Variants in ZNF701 observed in about 807,000 individuals in gnomAD.
ZNF701 encodes zinc finger protein 701.
ZNF701 carries 6 observed loss-of-function variants against 7.1 expected under a neutral mutation model. That is an observed-to-expected ratio of 0.84 (90% CI 0.46 to 1.66). The LOEUF (loss-of-function observed/expected upper bound fraction) is 1.66, where lower values mean the gene tolerates loss of function less well. ZNF701 is among the 40% of genes most tolerant of loss of function. The pLI, the probability that ZNF701 is intolerant of heterozygous loss-of-function variation, is 0.01. For synonymous variants in ZNF701, 166 were observed against 188.2 expected, an observed-to-expected ratio of 0.88 and a Z score of 0.97; for missense variants, 541 against 559.2, an observed-to-expected ratio of 0.97 and a Z score of 0.33.
chr19:52,572,375 A>T (rs1341894067), intron 1 of ZNF701: 17 of 1,288,816 alleles, frequency 1.3e-5, no homozygotes, highest in African/African-American at 1.5e-5. Context: ...GAAGGTAACT[A>T]GCTGTGTCTT....
chr19:52,579,837 G>A (rs1451607522), intron 3 of ZNF701, among the ~76,000 whole-genome samples: 1 of 139,028 alleles, frequency 7.2e-6, no homozygotes, highest in Admixed American at 7.0e-5. Context: ...TCGCACCGTC[G>A]CACTCCAGCA....
chr19:52,580,482 C>G (rs1329154972), intron 3 of ZNF701, among the ~76,000 whole-genome samples: 1 of 152,018 alleles, frequency 6.6e-6, no homozygotes, highest in Non-Finnish European at 1.5e-5. Flanking sequence ...GCCTCAGACC[C>G]CCAAAGTGCT....
At chr19:52,590,126 A>G (rs918147393), downstream of ZNF701, among the ~76,000 whole-genome samples, 4 of 142,982 alleles carry the variant, frequency 2.8e-5, no homozygotes, top group African/African-American at 1.0e-4. Flanking sequence ...TTTTTGAGAC[A>G]GTCTTGCTCT....
chr19:52,583,388 T>C lies in ZNF701; in HGVS notation c.1329T>C (p.Cys443=). Reference sequence around the variant, plus strand: ...AGAAACCTTACAAGTGTAATGAATGTGGCAAGGTTTTTAATCGAAAATCAA... The same window carrying C: ...AGAAACCTTACAAGTGTAATGAATGCGGCAAGGTTTTTAATCGAAAATCAA... ...TGEKPYKCNE[C]GKVFNRKSNL... is the part of the protein sequence containing the mutation. The change falls in exon 4 of 4, where the codon TGT becomes TGC. Residue 443 remains cysteine (C), a synonymous_variant. Transcript: ENST00000391785. 6.2e-7 allele frequency: 1 copy of C among 1,613,810 alleles called. No individual in the cohort carries two copies. Among genetic ancestry groups the C allele is most frequent in the Non-Finnish European group, 8.5e-7 (1 of 1,179,806 alleles).
chr19:52,596,099 A>C, the ZNF701 span: 3 of 1,073,624 alleles, frequency 2.8e-6, no homozygotes, highest in Non-Finnish European at 4.2e-6. Context: ...AGAAGTACAC[A>C]TGAGGGAAAA....
At chr19:52,596,416 AAC>A in the ZNF701 span, 3 of 398,298 alleles carry the variant, frequency 7.5e-6, no homozygotes, top group African/African-American at 2.3e-5. Context: ...CACAACTTGA[AAC>A]ACACAGGAGA....
At position 52,583,381 on chromosome 19, in the gene ZNF701, A is replaced by G. The variant is rs191285212; in HGVS notation, c.1322A>G (p.Asn441Ser). The G allele has an allele frequency of 6.2e-7, 1 of 1,613,514 alleles. No individual in the cohort carries two copies. The highest frequency in any genetic ancestry group is 8.5e-7 in the Non-Finnish European group (1 of 1,179,534). Residue 441 changes from asparagine (N) to serine (S), a missense_variant, in exon 4 of 4, where the codon AAT becomes AGT. By Grantham distance (46) the Asn-to-Ser change is conservative. Coordinates refer to ENST00000391785, the MANE Select transcript of ZNF701 (RefSeq NM_018260.3). ...ACTGGAGAGAAACCTTACAAGTGTA[A>G]TGAATGTGGCAAGGTTTTTAATCGA... is the stretch of plus-strand genomic sequence containing the variant. The part of the protein sequence containing the change: ...LHTGEKPYKC[N>S]ECGKVFNRKS...
chr19:52,581,294 A>G (rs932833784), intron 3 of ZNF701, among the ~76,000 whole-genome samples: 2 of 152,116 alleles, frequency 1.3e-5, no homozygotes, highest in African/African-American at 2.4e-5. Context: ...ATCTCAGCTC[A>G]CCACAATCTT....
chr19:52,596,173 C>T, the ZNF701 span: 8 of 667,606 alleles, frequency 1.2e-5, 1 homozygote, highest in South Asian at 6.9e-5. Context: ...GGAGACATCA[C>T]GTAACCCATT....
rs1240234237 is a variant in ZNF701 at position 52,585,563 on chromosome 19, A to AC, written c.*2106_*2107insC. The AC allele has an allele frequency of 6.9e-6, 1 of 145,490 alleles. No individual in the cohort carries two copies. Among genetic ancestry groups the AC allele is most frequent in the African/African-American group, 2.5e-5 (1 of 40,526 alleles). The allele number at this position is 145,490 out of a possible 1,614,324, so 9.0% of individuals were successfully genotyped here. On this transcript the variant is annotated 3_prime_UTR_variant, in exon 4 of 4. Transcript: ENST00000391785. ...AAACATAGAATTGAAGAAAAAAAAA[A>AC]AAACCCCACAAAGTAACAAAAGAAT...
chr19:52,575,796 C>T (rs2059930649), intron 2 of ZNF701, 99 bp from the exon 3 acceptor site: 1 of 820,310 alleles, frequency 1.2e-6, no homozygotes, highest in Non-Finnish European at 1.8e-6. Flanking sequence ...GGAACATTCT[C>T]TGCAATTAAA....
At position 52,576,006 on chromosome 19, in the gene ZNF701, A is replaced by G. The variant is rs1385628794; in HGVS notation, c.127A>G (p.Asn43Asp). ...YRDVMLENYR[N>D]LVSLDTSSKC... ...AGACGTGATGCTGGAGAATTATAGG[A>G]ACCTGGTCTCCCTGGGTGAGGATAA... Residue 43 changes from asparagine (N) to aspartate (D), a missense_variant, in exon 3 of 4, where the codon AAC (asparagine) becomes GAC (aspartate). Transcript: ENST00000391785. 1 of 1,578,974 alleles carries G rather than the reference A, an allele frequency of 6.3e-7. No homozygotes were observed. Among genetic ancestry groups the G allele is most frequent in the Non-Finnish European group, 8.5e-7 (1 of 1,169,858 alleles).
intron 2 of ZNF701, 88 bp downstream of exon 2, chr19:52,574,250 T>G: frequency 6.4e-7 from 1 of 1,566,148 alleles, no homozygotes. Context: ...GAGTCTCAAG[T>G]GTCCTGCCTG....
At chr19:52,591,282 A>AT (rs2060035927), downstream of ZNF701, among the ~76,000 whole-genome samples, 3 of 151,834 alleles carry the variant, frequency 2.0e-5, no homozygotes, top group South Asian at 6.2e-4. Context: ...AGTTCTATCG[A>AT]TTTTTCTGCC....
chr19:52,575,109 A>G (rs2059924907), intron 2 of ZNF701, among the ~76,000 whole-genome samples: 1 of 152,072 alleles, frequency 6.6e-6, no homozygotes, highest in African/African-American at 2.4e-5. Context: ...AGCTGGGACT[A>G]CAGGCACCCC....
At chr19:52,590,108 T>TC (rs1287380099), downstream of ZNF701, among the ~76,000 whole-genome samples, 1 of 40,220 alleles carries the variant, frequency 2.5e-5, no homozygotes, top group African/African-American at 1.1e-4. Flanking sequence ...TTTTTTATTG[T>TC]TTTTTTTTTT....
chr19:52,571,974 C>A (rs576116383), intron 1 of ZNF701, among the ~76,000 whole-genome samples: 1 of 152,196 alleles, frequency 6.6e-6, no homozygotes, highest in South Asian at 2.1e-4. Flanking sequence ...CAGGCATGTG[C>A]CACCACACCA....
In ZNF701 at chr19:52,574,122, G is replaced by A; in HGVS notation, c.-26G>A. The A allele has an allele frequency of 1.9e-6, 3 of 1,612,374 alleles. No homozygotes were observed. The highest frequency in any genetic ancestry group is 4.5e-5 in the East Asian group (2 of 44,840). ...GTACGTGAGGAAAAAACACGGAAGA[G>A]GAAGAGGAAAGCAAAGGAGTCAGGG... On this transcript the variant is annotated 5_prime_UTR_variant, in exon 2 of 4. Coordinates refer to ENST00000391785, the MANE Select transcript of ZNF701 (RefSeq NM_018260.3).
In ZNF701 at chr19:52,582,366, G is replaced by GA. The variant is rs762876785; in HGVS notation, c.311dup (p.Asn104LysfsTer2). On this transcript the variant is annotated frameshift_variant, in exon 4 of 4. Coordinates refer to ENST00000391785, the MANE Select transcript of ZNF701 (RefSeq NM_018260.3). LOFTEE classifies it low-confidence loss of function (END_TRUNC). ...TCATGACTTTGTGTTTCAGTGGCAA[G>GA]AAAATGAAACAAATGGCCATGAAGC... 12 of 1,613,534 alleles carry GA rather than the reference G, an allele frequency of 7.4e-6. No homozygotes were observed. In the African/African-American group the frequency reaches 1.6e-4, roughly 22 times the overall value.
Sources: allele counts gnomAD v4.1 joint callset (sites outside exome capture counted in the v4.1 genomes callset), GRCh38; gene constraint gnomAD v4.1.1; transcripts MANE v1.5; gene names NCBI Gene and HGNC (gene_info 2026-07-23, HGNC 2026-07-21).